LINGO2: variants seen among roughly 807,000 people sequenced by gnomAD.
LINGO2 encodes leucine-rich repeat and immunoglobulin-like domain-containing nogo receptor-interacting protein 2.
In LINGO2, 14 loss-of-function variants were observed where a neutral mutation model predicts 30.6. That is an observed-to-expected ratio of 0.46 (90% CI 0.30 to 0.72). The LOEUF is 0.72. LINGO2 is among the 30% of genes least tolerant of loss of function. LINGO2 has a pLI of 0.07. For missense variants in LINGO2, 729 were observed against 751.7 expected (o/e 0.97, Z 0.35); for synonymous variants, 317 against 288.5 (o/e 1.10, Z -1.00).
chr9:29,098,902 C>A, the LINGO2 span, among the ~76,000 whole-genome samples: 1 of 152,042 alleles, frequency 6.6e-6, no homozygotes, highest in African/African-American at 2.4e-5. Flanking sequence ...TATGGAACCA[C>A]AAAAGACCCA....
At chr9:28,280,069 G>A (rs575902670) in intron 4 of LINGO2, among the ~76,000 whole-genome samples, 32 of 152,204 alleles carry the variant, frequency 2.1e-4, no homozygotes, top group African/African-American at 5.3e-4. Context: ...ACTATCTTCT[G>A]ACTGATTTTT....
At chr9:28,034,253 T>C (rs887183904) in intron 4 of LINGO2, among the ~76,000 whole-genome samples, 5 of 152,196 alleles carry the variant, frequency 3.3e-5, no homozygotes. Flanking sequence ...GGTTGTTGAA[T>C]AGGTAGAGGG....
chr9:27,968,298 G>A (rs746835952), intron 5 of LINGO2, among the ~76,000 whole-genome samples: 13 of 151,830 alleles, frequency 8.6e-5, no homozygotes, highest in Non-Finnish European at 1.8e-4. Flanking sequence ...TTGAAATACT[G>A]AAAAAACAAT....
chr9:28,124,925 T>C (rs544674787), intron 4 of LINGO2, among the ~76,000 whole-genome samples: 1 of 152,312 alleles, frequency 6.6e-6, no homozygotes, highest in South Asian at 2.1e-4. Context: ...GATAATGACA[T>C]GTGCCATAAA....
the LINGO2 span, among the ~76,000 whole-genome samples, chr9:29,074,678 C>CTTT: frequency 1.6e-3 from 142 of 88,032 alleles, no homozygotes; most frequent in Non-Finnish European, 1.8e-3. Flanking sequence ...AAATTACTTA[C>CTTT]TTTTTTTTTT....
chr9:28,897,879 T>C, the LINGO2 span, among the ~76,000 whole-genome samples: 5 of 152,114 alleles, frequency 3.3e-5, no homozygotes, highest in Non-Finnish European at 1.5e-5. Flanking sequence ...GATAGAAATT[T>C]GGGGTAGTTA....
chr9:28,040,364 C>T (rs990733740), intron 4 of LINGO2, among the ~76,000 whole-genome samples: 1 of 151,254 alleles, frequency 6.6e-6, no homozygotes, highest in East Asian at 1.9e-4. Context: ...AGGTTCCTAG[C>T]AATGGTCCAA....
intron 2 of LINGO2, among the ~76,000 whole-genome samples, chr9:28,395,091 T>C (rs545538614): frequency 1.3e-5 from 2 of 152,216 alleles, no homozygotes; most frequent in African/African-American, 2.4e-5. Flanking sequence ...CATGGAATCA[T>C]TGGCATAGGA....
the LINGO2 span, among the ~76,000 whole-genome samples, chr9:28,821,713 T>C: frequency 1.3e-5 from 2 of 152,194 alleles, no homozygotes; most frequent in African/African-American, 4.8e-5. Context: ...AGAAACCATG[T>C]GTGGGATAAG....
chr9:27,955,725 A>G (rs1338529370), intron 5 of LINGO2, among the ~76,000 whole-genome samples: 2 of 152,072 alleles, frequency 1.3e-5, no homozygotes, highest in East Asian at 1.9e-4. Flanking sequence ...AAGAGCTGCT[A>G]TGAATATTAA....
At chr9:28,392,139 C>T (rs773058006) in intron 2 of LINGO2, among the ~76,000 whole-genome samples, 7 of 152,140 alleles carry the variant, frequency 4.6e-5, no homozygotes, top group Non-Finnish European at 1.0e-4. Context: ...GGAGGTAGAG[C>T]TTGCAGTGAG....
chr9:28,664,585 G>T (rs1273626831), intron 1 of LINGO2, among the ~76,000 whole-genome samples: 1 of 152,086 alleles, frequency 6.6e-6, no homozygotes, highest in Non-Finnish European at 1.5e-5. Context: ...TTCTCCTGTG[G>T]AAGGGCCTTT....
At chr9:28,672,923 G>T (rs1010504847), upstream of LINGO2, among the ~76,000 whole-genome samples, 1 of 152,068 alleles carries the variant, frequency 6.6e-6, no homozygotes, top group Non-Finnish European at 1.5e-5. Flanking sequence ...TGAGGGATGT[G>T]AAAAATAAGT....
At chr9:28,190,783 T>A (rs920953864) in intron 4 of LINGO2, among the ~76,000 whole-genome samples, 1 of 152,146 alleles carries the variant, frequency 6.6e-6, no homozygotes, top group Non-Finnish European at 1.5e-5. Flanking sequence ...AGCTATTCAT[T>A]AGGAGGAGTT....
chr9:28,862,995 T>C, the LINGO2 span, among the ~76,000 whole-genome samples: 1 of 152,082 alleles, frequency 6.6e-6, no homozygotes, highest in Non-Finnish European at 1.5e-5. Flanking sequence ...ACACAATCTT[T>C]TCTGTCATAG....
rs369230663 is a variant in LINGO2 at position 28,653,473 on chromosome 9, G to A, written c.-365+16727C>T. 4.9e-4 allele frequency among the ~76,000 whole-genome samples: 75 copies of A among 152,126 alleles called. No individual in the cohort carries two copies. The South Asian group carries it at 0.016, about 32-fold the overall frequency. ...GTATATTCCACCAGTGTCCCTAGAG[G>A]GATAGGAAAATTAAATAAATGAGGA... On this transcript the variant is annotated intron_variant, in intron 1 of 5. Coordinates refer to ENST00000379992, the Ensembl canonical transcript of LINGO2.
chr9:27,966,116 A>G (rs188497105), intron 5 of LINGO2, among the ~76,000 whole-genome samples: 1 of 152,266 alleles, frequency 6.6e-6, no homozygotes, highest in East Asian at 1.9e-4. Context: ...TGCTCATTGT[A>G]TGACACAAAA....
At chr9:29,134,346 C>T in the LINGO2 span, among the ~76,000 whole-genome samples, 11 of 152,212 alleles carry the variant, frequency 7.2e-5, no homozygotes, top group African/African-American at 1.2e-4. Context: ...TAATTACTTG[C>T]TACTTAAAAC....
At chr9:29,115,977 TAAATTCATTTG>T in the LINGO2 span, among the ~76,000 whole-genome samples, 1 of 152,180 alleles carries the variant, frequency 6.6e-6, no homozygotes, top group African/African-American at 2.4e-5. Context: ...CTAAATGTGC[TAAATTCATTTG>T]TGGCTAAAAT....
Sources: gnomAD v4.1 joint callset for allele counts (sites outside exome capture counted in the v4.1 genomes callset) on GRCh38, gnomAD v4.1.1 for gene constraint, MANE v1.5 for transcripts, NCBI Gene and HGNC (gene_info 2026-07-23, HGNC 2026-07-21) for gene names.